TSPAN7: variants seen among roughly 807,000 people sequenced by gnomAD.
TSPAN7 encodes the protein tetraspanin 7.
TSPAN7 carries 1 observed loss-of-function variant against 17.6 expected under a neutral mutation model. The ratio of observed to expected loss-of-function variants is 0.06; its 90% CI spans 0.02 to 0.27. The LOEUF is 0.27. TSPAN7 is among the 10% of genes least tolerant of loss of function. The probability of loss-of-function intolerance (pLI) is 1.00; values close to 1 mark genes in which losing one functional copy is unlikely to be tolerated. For synonymous variants in TSPAN7, 78 were observed against 79.0 expected, an observed-to-expected ratio of 0.99 and a Z score of 0.07; for missense variants, 112 against 201.7, an observed-to-expected ratio of 0.56 and a Z score of 2.69.
chrX:38,651,394 G>A (rs1242760154), intron 1 of TSPAN7, among the ~76,000 whole-genome samples: 3 of 111,534 alleles, frequency 2.7e-5, no homozygotes, highest in Non-Finnish European at 5.7e-5. Context: ...GAACCCGGGA[G>A]CCGAAGCTTG....
rs961848439 is a variant in TSPAN7 at position 38,672,664 on chromosome X, C to G, written c.345+1214C>G. Among the ~76,000 whole-genome samples the G allele has an allele frequency of 2.7e-5, 3 of 111,158 alleles. No individual in the cohort carries two copies. In the South Asian group the frequency reaches 1.1e-3, roughly 42 times the overall value. On this transcript the variant is annotated intron_variant, in intron 3 of 7. Transcript: ENST00000378482. ...TCCTACCTGAGCCTCTTGTTTGTTG[C>G]TGGGAGTGCGCTCTGTGGAGAGGTT...
intron 1 of TSPAN7, among the ~76,000 whole-genome samples, chrX:38,661,196 C>T (rs1015125474): frequency 3.6e-5 from 4 of 112,530 alleles, no homozygotes; most frequent in African/African-American, 9.7e-5. Context: ...GTTGGCTACT[C>T]GTTCCCCTAA....
At chrX:38,647,116 A>G (rs938675386) in intron 1 of TSPAN7, among the ~76,000 whole-genome samples, 1 of 112,225 alleles carries the variant, frequency 8.9e-6, no homozygotes, top group Non-Finnish European at 1.9e-5. Flanking sequence ...GCATACTTTA[A>G]AAAAATTATG....
chrX:38,585,958 C>T (rs1313105909), intron 1 of TSPAN7, among the ~76,000 whole-genome samples: 5 of 112,622 alleles, frequency 4.4e-5, no homozygotes, highest in African/African-American at 6.4e-5. Flanking sequence ...CCTGCAGAAC[C>T]GTGAGCCAAA....
chrX:38,566,255 A>C, intron 1 of TSPAN7: 1 of 736,268 alleles, frequency 1.4e-6, no homozygotes, highest in Admixed American at 4.1e-5. Flanking sequence ...TTTTGGTTAA[A>C]TAATATCACC....
intron 1 of TSPAN7, 92 bp from the exon 2 acceptor site, chrX:38,666,029 G>C: frequency 1.1e-6 from 1 of 887,388 alleles, no homozygotes; most frequent in Non-Finnish European, 1.6e-6. Flanking sequence ...TCTTATTCAC[G>C]GAAACTTGAG....
intron 1 of TSPAN7, among the ~76,000 whole-genome samples, chrX:38,659,012 ACAC>A (rs1168344888): frequency 2.2e-5 from 1 of 44,869 alleles, no homozygotes; most frequent in African/African-American, 5.8e-5. Context: ...ACACACACAC[ACAC>A]ACACACACAC....
Position 38,609,630 on chromosome X carries a change from GTA to G in TSPAN7, c.81+48012_81+48013del, listed in dbSNP as rs1189794404. Among the ~76,000 whole-genome samples the G allele has an allele frequency of 3.7e-5, 4 of 107,109 alleles. No homozygotes were observed. In the Admixed American group the frequency reaches 4.1e-4, roughly 11 times the overall value. 93.0% of individuals were successfully genotyped at this position (107,109 alleles called of 115,157 possible). On this transcript the variant is annotated intron_variant, in intron 1 of 7. Transcript: ENST00000378482. ...TATATGTGTATATACATGTGTGTGT[GTA>G]TATATATACATATATATATGTATAT... is the stretch of plus-strand genomic sequence containing the variant.
chrX:38,566,694 A>T (rs1033974359), intron 1 of TSPAN7, among the ~76,000 whole-genome samples: 2 of 111,716 alleles, frequency 1.8e-5, no homozygotes, highest in Non-Finnish European at 3.8e-5. Context: ...TGGTTATTTA[A>T]ATTTTTAATT....
chrX:38,649,239 C>G, intron 1 of TSPAN7, among the ~76,000 whole-genome samples: 1 of 111,167 alleles, frequency 9.0e-6, no homozygotes, highest in East Asian at 2.8e-4. Context: ...GGAAGAGTCC[C>G]TGCTGCAGTA....
chrX:38,686,200 T>A (rs1030016250), intron 6 of TSPAN7, among the ~76,000 whole-genome samples: 8 of 112,278 alleles, frequency 7.1e-5, no homozygotes, highest in Admixed American at 3.8e-4. Context: ...ACGAGTCCAA[T>A]AAGATGATGA....
At chrX:38,660,232 G>T (rs1290538182) in intron 1 of TSPAN7, among the ~76,000 whole-genome samples, 1 of 111,721 alleles carries the variant, frequency 9.0e-6, no homozygotes, top group African/African-American at 3.3e-5. Flanking sequence ...CTGGTTCTTA[G>T]TCTATTTTAA....
At chrX:38,614,700 C>G (rs1207033515) in intron 1 of TSPAN7, among the ~76,000 whole-genome samples, 2 of 112,622 alleles carry the variant, frequency 1.8e-5, no homozygotes, top group African/African-American at 6.5e-5. Context: ...TGATGTGTGG[C>G]TGAAGGTCAT....
At chrX:38,630,573 G>T (rs909502104) in intron 1 of TSPAN7, among the ~76,000 whole-genome samples, 15 of 111,446 alleles carry the variant, frequency 1.3e-4, no homozygotes, top group African/African-American at 4.9e-4. Context: ...ACATACAAAT[G>T]GGGACCAAAT....
intron 6 of TSPAN7, among the ~76,000 whole-genome samples, chrX:38,684,015 G>A (rs762551034): frequency 1.1e-4 from 12 of 112,266 alleles, no homozygotes; most frequent in Non-Finnish European, 1.9e-4. Context: ...AACAGAGCTC[G>A]CTCTCTCTCT....
chrX:38,667,277 T>C (rs771554050), intron 2 of TSPAN7, among the ~76,000 whole-genome samples: 8 of 112,596 alleles, frequency 7.1e-5, no homozygotes, highest in Non-Finnish European at 1.5e-4. Context: ...TTTTAACTTT[T>C]AGGTACAGCA....
At chrX:38,673,844 G>A (rs1469890641) in intron 3 of TSPAN7, among the ~76,000 whole-genome samples, 2 of 111,156 alleles carry the variant, frequency 1.8e-5, no homozygotes, top group Non-Finnish European at 3.8e-5. Context: ...TGAGCCTCCT[G>A]TGTAAGGGCA....
chrX:38,675,580 C>A (rs866206991), intron 4 of TSPAN7, 125 bp from the exon 5 acceptor site: 4 of 818,050 alleles, frequency 4.9e-6, no homozygotes, highest in Non-Finnish European at 5.4e-6. Flanking sequence ...TCTTGACTCA[C>A]CAAAGCTGCA....
At chrX:38,628,335 T>TA (rs2069532757) in intron 1 of TSPAN7, among the ~76,000 whole-genome samples, 7 of 111,444 alleles carry the variant, frequency 6.3e-5, no homozygotes, top group South Asian at 3.8e-4. Flanking sequence ...TTGGCAAATA[T>TA]GTTTTTTTTT....
Sources: gnomAD v4.1 joint callset for allele counts (sites outside exome capture counted in the v4.1 genomes callset) on GRCh38, gnomAD v4.1.1 for gene constraint, MANE v1.5 for transcripts, NCBI Gene and HGNC (gene_info 2026-07-23, HGNC 2026-07-21) for gene names.